CARMIL1: variants seen among roughly 807,000 people sequenced by gnomAD.
The protein encoded by CARMIL1 is F-actin-uncapping protein LRRC16A.
CARMIL1 carries 90 observed loss-of-function variants against 177.1 expected under a neutral mutation model. That is an observed-to-expected ratio of 0.51 (90% CI 0.43 to 0.61). CARMIL1 has a LOEUF of 0.61. CARMIL1 is among the 20% of genes least tolerant of loss of function. The probability of loss-of-function intolerance (pLI) is 0.00; values close to 1 mark genes in which losing one functional copy is unlikely to be tolerated. For synonymous variants in CARMIL1, 577 were observed against 606.2 expected, an observed-to-expected ratio of 0.95 and a Z score of 0.71; for missense variants, 1,380 against 1,667.0, an observed-to-expected ratio of 0.83 and a Z score of 3.00.
chr6:25,551,545 A>G lies in CARMIL1; in HGVS notation c.2504+460A>G, dbSNP rs544097981. Among the ~76,000 whole-genome samples, 56 of 152,284 alleles carry G rather than the reference A, an allele frequency of 3.7e-4. No individual in the cohort carries two copies. The South Asian group carries it at 4.8e-3, about 13-fold the overall frequency. Reference sequence around the variant, plus strand: ...TATTTTGGTGGGTCTGTAATACTATATGTGTATTAATGGTGTCTTTGCAGT... The same window carrying G: ...TATTTTGGTGGGTCTGTAATACTATGTGTGTATTAATGGTGTCTTTGCAGT... On this transcript the variant is annotated intron_variant, in intron 27 of 36. Transcript: ENST00000329474.
At chr6:25,378,020 G>A (rs76513426) in intron 2 of CARMIL1, among the ~76,000 whole-genome samples, 5,870 of 152,250 alleles carry the variant, frequency 0.039, 139 homozygotes, top group Middle Eastern at 0.11. Context: ...GGTGAGGGCT[G>A]GGTCAGGCAA....
chr6:25,467,040 G>A (rs553161419), intron 9 of CARMIL1, among the ~76,000 whole-genome samples: 3 of 152,228 alleles, frequency 2.0e-5, no homozygotes, highest in Admixed American at 6.5e-5. Context: ...AGAATGTGTG[G>A]CTCATAGTAA....
At chr6:25,506,730 A>T (rs570407491) in intron 17 of CARMIL1, among the ~76,000 whole-genome samples, 1 of 152,214 alleles carries the variant, frequency 6.6e-6, no homozygotes, top group African/African-American at 2.4e-5. Flanking sequence ...ATTTCCCAGG[A>T]TAAAAATTAA....
intron 17 of CARMIL1, among the ~76,000 whole-genome samples, chr6:25,505,225 T>G (rs1345550475): frequency 1.3e-5 from 2 of 152,206 alleles, no homozygotes; most frequent in East Asian, 1.9e-4. Flanking sequence ...GTATTATACT[T>G]CATGGCCAGA....
intron 10 of CARMIL1, among the ~76,000 whole-genome samples, chr6:25,471,958 A>T (rs2150942078): frequency 6.6e-6 from 1 of 152,330 alleles, no homozygotes; most frequent in Non-Finnish European, 1.5e-5. Context: ...AGTTAAACAT[A>T]ACTAAAACAG....
intron 2 of CARMIL1, among the ~76,000 whole-genome samples, chr6:25,311,401 A>T (rs1214910505): frequency 6.6e-6 from 1 of 152,152 alleles, no homozygotes; most frequent in African/African-American, 2.4e-5. Flanking sequence ...TTAGTCACTG[A>T]CTGGCTAAGC....
At chr6:25,603,120 C>T (rs184022123) in intron 33 of CARMIL1, among the ~76,000 whole-genome samples, 20 of 152,248 alleles carry the variant, frequency 1.3e-4, no homozygotes, top group African/African-American at 4.8e-4. Context: ...TGGGGTGCCC[C>T]GGGTACAGAA....
intron 2 of CARMIL1, among the ~76,000 whole-genome samples, chr6:25,297,857 A>C (rs1469354387): frequency 6.6e-6 from 1 of 152,142 alleles, no homozygotes; most frequent in Non-Finnish European, 1.5e-5. Context: ...TTTACATTTT[A>C]ATATTCTAGA....
At chr6:25,356,632 G>A (rs1168252704) in intron 2 of CARMIL1, among the ~76,000 whole-genome samples, 3 of 152,172 alleles carry the variant, frequency 2.0e-5, no homozygotes, top group South Asian at 2.1e-4. Flanking sequence ...TCTCCCTTCC[G>A]TATAGCCCAT....
intron 2 of CARMIL1, among the ~76,000 whole-genome samples, chr6:25,418,942 C>T (rs950142399): frequency 6.6e-6 from 1 of 152,144 alleles, no homozygotes; most frequent in Non-Finnish European, 1.5e-5. Context: ...CTTGAGTTAT[C>T]CCCTACCGTG....
At chr6:25,441,320 C>T (rs909167235) in intron 5 of CARMIL1, among the ~76,000 whole-genome samples, 5 of 99,674 alleles carry the variant, frequency 5.0e-5, no homozygotes, top group Admixed American at 1.1e-4. Context: ...AACAAACAAA[C>T]ATATATATAT....
At chr6:25,376,355 T>A (rs993140185) in intron 2 of CARMIL1, among the ~76,000 whole-genome samples, 17 of 152,214 alleles carry the variant, frequency 1.1e-4, no homozygotes, top group Admixed American at 6.5e-5. Context: ...GCTGGGATTA[T>A]AGGCATGAGC....
chr6:25,434,082 T>C (rs1447238911), intron 4 of CARMIL1, among the ~76,000 whole-genome samples: 1 of 152,044 alleles, frequency 6.6e-6, no homozygotes, highest in African/African-American at 2.4e-5. Context: ...TTTTGGGGGG[T>C]AGGAAGATGG....
At chr6:25,360,122 C>G (rs1789037174) in intron 2 of CARMIL1, among the ~76,000 whole-genome samples, 1 of 152,088 alleles carries the variant, frequency 6.6e-6, no homozygotes, top group Non-Finnish European at 1.5e-5. Context: ...ACAATACAGT[C>G]ATTGTTCATT....
At chr6:25,320,408 A>G (rs1263974343) in intron 2 of CARMIL1, among the ~76,000 whole-genome samples, 1 of 152,260 alleles carries the variant, frequency 6.6e-6, no homozygotes, top group African/African-American at 2.4e-5. Flanking sequence ...AGAAGTAAGG[A>G]AAATGGTTGT....
At position 25,492,013 on chromosome 6, in the gene CARMIL1, C is replaced by A; in HGVS notation, c.1209C>A (p.Val403=). 6.2e-7 allele frequency: 1 copy of A among 1,613,218 alleles called. No homozygotes were observed. Among genetic ancestry groups the A allele is most frequent in the Non-Finnish European group, 8.5e-7 (1 of 1,179,366 alleles). The part of the protein sequence containing the change: ...YLAVLNLSRT[V]FSHRKGKEVP... ...CTGTGCTCAACCTCTCCAGAACTGTCTTCTCTCACCGGTATAGATTTATTT... is the reference window on the plus strand; with the variant it reads ...CTGTGCTCAACCTCTCCAGAACTGTATTCTCTCACCGGTATAGATTTATTT... The change falls in exon 15 of 37, where the codon GTC becomes GTA. Residue 403 remains valine (V), a synonymous_variant. Transcript: ENST00000329474.
intron 33 of CARMIL1, among the ~76,000 whole-genome samples, chr6:25,604,370 C>G (rs921054137): frequency 1.3e-5 from 2 of 152,166 alleles, no homozygotes; most frequent in African/African-American, 4.8e-5. Context: ...AGGCATGAGC[C>G]ACTGCACCCA....
intron 2 of CARMIL1, among the ~76,000 whole-genome samples, chr6:25,311,048 G>T (rs1040768935): frequency 2.1e-5 from 3 of 146,168 alleles, no homozygotes; most frequent in Non-Finnish European, 4.4e-5. Flanking sequence ...CGGGTGTGGT[G>T]GTGGGCGCCT....
At chr6:25,404,799 A>C (rs1794218453) in intron 2 of CARMIL1, among the ~76,000 whole-genome samples, 1 of 151,472 alleles carries the variant, frequency 6.6e-6, no homozygotes. Context: ...CCTGCTTCAC[A>C]CTAGGAAGTG....
Sources: allele counts gnomAD v4.1 joint callset (sites outside exome capture counted in the v4.1 genomes callset), GRCh38; gene constraint gnomAD v4.1.1; transcripts MANE v1.5; gene names NCBI Gene and HGNC (gene_info 2026-07-23, HGNC 2026-07-21).